TOPAZ1: variants seen among roughly 807,000 people sequenced by gnomAD.
The protein encoded by TOPAZ1 is protein TOPAZ1.
Under a neutral mutation model 172.2 loss-of-function variants are expected in TOPAZ1, and 66 were observed. The ratio of observed to expected loss-of-function variants is 0.38; its 90% CI spans 0.31 to 0.47. The LOEUF is 0.47. TOPAZ1 is among the 20% of genes least tolerant of loss of function. TOPAZ1 has a pLI of 0.99. For synonymous variants in TOPAZ1, 681 were observed against 683.9 expected (o/e 1.00, Z 0.07); for missense variants, 1,822 against 1,972.4 (o/e 0.92, Z 1.44).
intron 17 of TOPAZ1, among the ~76,000 whole-genome samples, chr3:44,321,864 C>T (rs541799146): frequency 6.6e-6 from 1 of 152,102 alleles, no homozygotes; most frequent in South Asian, 2.1e-4. Flanking sequence ...TTTTCTTTAC[C>T]TTGGTATTCC....
intron 9 of TOPAZ1, among the ~76,000 whole-genome samples, chr3:44,285,320 G>A (rs775488596): frequency 1.3e-5 from 2 of 151,932 alleles, no homozygotes; most frequent in Non-Finnish European, 2.9e-5. Flanking sequence ...TAAAAAATTA[G>A]CCAGGCATGG....
chr3:44,309,505 G>A (rs537713243), intron 15 of TOPAZ1, among the ~76,000 whole-genome samples: 16 of 152,298 alleles, frequency 1.1e-4, no homozygotes, highest in African/African-American at 3.8e-4. Flanking sequence ...GCTAAATCAT[G>A]GAAGCCTTTC....
At chr3:44,263,793 T>C (rs2125683661) in intron 5 of TOPAZ1, among the ~76,000 whole-genome samples, 1 of 152,310 alleles carries the variant, frequency 6.6e-6, no homozygotes, top group East Asian at 1.9e-4. Flanking sequence ...TGCATTTGTA[T>C]TTACTAATCA....
At position 44,242,375 on chromosome 3, in the gene TOPAZ1, C is replaced by G; in HGVS notation, c.322C>G (p.Leu108Val). ...RGLEAAKEAE[L>V]PLQTERHTKE... The stretch of plus-strand genomic sequence containing the variant: ...CCTAGAAGCAGCAAAGGAGGCTGAA[C>G]TCCCCTTGCAAACGGAAAGACACAG... The change falls in exon 1 of 20, where the codon CTC becomes GTC. Residue 108 changes from leucine (L) to valine (V), a missense_variant. Physicochemically the swap from Leu to Val is conservative, Grantham distance 32 (BLOSUM62 1). Coordinates refer to ENST00000309765, the MANE Select transcript of TOPAZ1 (RefSeq NM_001145030.2). 6.4e-7 allele frequency: 1 copy of G among 1,552,372 alleles called. No homozygotes were observed. The highest frequency in any genetic ancestry group is 8.7e-7 in the Non-Finnish European group (1 of 1,147,142).
intron 8 of TOPAZ1, among the ~76,000 whole-genome samples, chr3:44,278,037 A>G (rs1456529465): frequency 6.6e-6 from 1 of 152,192 alleles, no homozygotes; most frequent in African/African-American, 2.4e-5. Flanking sequence ...GGCCTTTACT[A>G]TATTGAGGTG....
chr3:44,331,685 G>A, intron 19 of TOPAZ1, 107 bp from the exon 20 acceptor site: 1 of 902,800 alleles, frequency 1.1e-6, no homozygotes, highest in South Asian at 1.7e-5. Flanking sequence ...AGAACATGGT[G>A]AGAAGACTAT....
intron 2 of TOPAZ1, 64 bp from the exon 3 acceptor site, chr3:44,254,904 A>G (rs1301620935): frequency 4.2e-6 from 5 of 1,201,040 alleles, no homozygotes; most frequent in Non-Finnish European, 5.9e-6. Flanking sequence ...ATTAATGTTT[A>G]GAGAAGTGGA....
chr3:44,276,645 T>TTTTTTTTTTTTTTTTTTTTTA (rs1699962269), intron 8 of TOPAZ1, among the ~76,000 whole-genome samples: 1 of 129,066 alleles, frequency 7.7e-6, no homozygotes, highest in Non-Finnish European at 1.6e-5. Flanking sequence ...TTTTTTTTTT[T>TTTTTTTTTTTTTTTTTTTTTA]TTTTTTTTCC....
At chr3:44,279,941 TC>T (rs1156554957) in intron 8 of TOPAZ1, among the ~76,000 whole-genome samples, 1 of 152,190 alleles carries the variant, frequency 6.6e-6, no homozygotes, top group Non-Finnish European at 1.5e-5. Context: ...GATTCTTTTC[TC>T]TTTCTTGTTT....
intron 11 of TOPAZ1, among the ~76,000 whole-genome samples, chr3:44,288,401 T>C (rs553735340): frequency 6.6e-6 from 1 of 152,214 alleles, no homozygotes; most frequent in Admixed American, 6.5e-5. Context: ...AAGTTACTGA[T>C]TGCCAGGCGT....
At chr3:44,332,918 C>T (rs1448295138), downstream of TOPAZ1, among the ~76,000 whole-genome samples, 1 of 151,688 alleles carries the variant, frequency 6.6e-6, no homozygotes, top group Non-Finnish European at 1.5e-5. Context: ...CCCATCTCAG[C>T]CTCCCATGTA....
intron 9 of TOPAZ1, among the ~76,000 whole-genome samples, chr3:44,284,917 T>A (rs1484471597): frequency 6.6e-6 from 1 of 152,234 alleles, no homozygotes; most frequent in Non-Finnish European, 1.5e-5. Flanking sequence ...AAAGCTATTA[T>A]CTTCAATATT....
intron 2 of TOPAZ1, among the ~76,000 whole-genome samples, chr3:44,245,567 C>T (rs968204626): frequency 3.4e-5 from 4 of 117,304 alleles, no homozygotes; most frequent in South Asian, 3.1e-4. Flanking sequence ...AACGGAGTCT[C>T]GCTCTGTCAC....
At chr3:44,249,879 A>G (rs964668423) in intron 2 of TOPAZ1, among the ~76,000 whole-genome samples, 17 of 152,214 alleles carry the variant, frequency 1.1e-4, no homozygotes, top group Non-Finnish European at 2.2e-4. Flanking sequence ...GGAGGTTGGA[A>G]AGTTAGGCAC....
At position 44,331,926 on chromosome 3, in the gene TOPAZ1, A is replaced by G. The variant is rs1478659319; in HGVS notation, c.4994A>G (p.Tyr1665Cys). ...GTCAATGTTAATAAGGAACAGGTTT[A>G]TAGTTTGGAACATTGTTCTGCCCTG... ...MTVNVNKEQV[Y>C]SLEHCSALKW... Residue 1665 changes from tyrosine to cysteine, a missense_variant, in exon 20 of 20, where the codon TAT becomes TGT. Tyr to Cys is a radical substitution (Grantham distance 194). This residue lies in a region of TOPAZ1 where 333 missense variants were observed against 481.7 expected (regional missense o/e 0.69). Transcript: ENST00000309765. 5 of 1,551,534 alleles carry G rather than the reference A, an allele frequency of 3.2e-6. No individual in the cohort carries two copies. The highest frequency in any genetic ancestry group is 3.9e-5 in the Admixed American group (2 of 50,990).
At chr3:44,286,764 TAATTTTAGTAAAATTAATGGGGAAA>T (rs1303255372) in intron 9 of TOPAZ1, among the ~76,000 whole-genome samples, 1 of 152,164 alleles carries the variant, frequency 6.6e-6, no homozygotes, top group African/African-American at 2.4e-5. Context: ...CTAATGTAAA[TAATTTTAGTAAAATTAATGGGGAAA>T]AATTGGAAAC....
chr3:44,296,479 T>A (rs1700196202), intron 12 of TOPAZ1, among the ~76,000 whole-genome samples: 1 of 150,862 alleles, frequency 6.6e-6, no homozygotes, highest in African/African-American at 2.4e-5. Context: ...AGACCAGGGT[T>A]ATCAGTACAG....
downstream of TOPAZ1, among the ~76,000 whole-genome samples, chr3:44,334,017 T>C (rs1700697283): frequency 1.3e-5 from 2 of 152,246 alleles, no homozygotes; most frequent in Non-Finnish European, 2.9e-5. Context: ...TTTTGGTGCC[T>C]TGATGTTAGC....
At chr3:44,248,198 C>T (rs1260707437) in intron 2 of TOPAZ1, among the ~76,000 whole-genome samples, 4 of 152,140 alleles carry the variant, frequency 2.6e-5, no homozygotes, top group African/African-American at 9.7e-5. Context: ...CTAATACTCC[C>T]ACTGCTCCAC....
Sources: gnomAD v4.1 joint callset for allele counts (sites outside exome capture counted in the v4.1 genomes callset) on GRCh38, gnomAD v4.1.1 for gene constraint, gnomAD v4.1.1 regional missense constraint, MANE v1.5 for transcripts, NCBI Gene and HGNC (gene_info 2026-07-23, HGNC 2026-07-21) for gene names.